MRRF: variants seen among roughly 807,000 people sequenced by gnomAD.
MRRF encodes the protein mitochondrial ribosome recycling factor, also known as ribosome-recycling factor, mitochondrial.
A neutral mutation model predicts 25.1 loss-of-function variants in MRRF; 18 were observed. The observed-to-expected ratio is 0.72, with a 90% CI of 0.50 to 1.06. The LOEUF is 1.06. Ranked by LOEUF, MRRF falls within the 50% of genes least tolerant of loss-of-function variation. The pLI is 0.00. For synonymous variants in MRRF, 113 were observed against 112.1 expected, an observed-to-expected ratio of 1.01 and a Z score of -0.05; for missense variants, 323 against 319.3, an observed-to-expected ratio of 1.01 and a Z score of -0.09.
chr9:122,308,757 C>T (rs1259289434), intron 5 of MRRF, among the ~76,000 whole-genome samples: 1 of 147,234 alleles, frequency 6.8e-6, no homozygotes, highest in African/African-American at 2.5e-5. Context: ...GGCTAAAGTA[C>T]AGTGGCATAA....
At chr9:122,286,073 G>T in intron 4 of MRRF, 1 of 1,283,152 alleles carries the variant, frequency 7.8e-7, no homozygotes. Flanking sequence ...AGAGTACCTG[G>T]AATCCGGTCC....
In MRRF at chr9:122,323,043, TAAAATC is replaced by T. The variant is rs1835980299; in HGVS notation, c.*427_*432del. ...CTAGAGGCCCATTTTCACTAAACAA[TAAAATC>T]TAAATAAATTGGAAGGAATAACAAC... On this transcript the variant is annotated 3_prime_UTR_variant, in exon 7 of 7. Transcript: ENST00000344641. 4.4e-6 allele frequency: 1 copy of T among 228,746 alleles called. No individual in the cohort carries two copies. The highest frequency in any genetic ancestry group is 5.0e-5 in the Admixed American group (1 of 19,892). 14.2% of individuals were successfully genotyped at this position (228,746 alleles called of 1,614,324 possible).
intron 5 of MRRF, among the ~76,000 whole-genome samples, chr9:122,296,117 C>A (rs1305810088): frequency 6.6e-6 from 1 of 152,048 alleles, no homozygotes; most frequent in Non-Finnish European, 1.5e-5. Flanking sequence ...CTCTGAGACT[C>A]AGCTCTGCGT....
chr9:122,326,259 C>G lies in MRRF; in HGVS notation c.*3642C>G, dbSNP rs1343593780. 6.6e-6 allele frequency: 1 copy of G among 152,008 alleles called. No homozygotes were observed. The highest frequency in any genetic ancestry group is 2.4e-5 in the African/African-American group (1 of 41,384). 9.4% of individuals were successfully genotyped at this position (152,008 alleles called of 1,614,324 possible). On this transcript the variant is annotated 3_prime_UTR_variant, in exon 7 of 7. Coordinates refer to ENST00000344641, the MANE Select transcript of MRRF (RefSeq NM_138777.5). ...GAGTAGCTGGGATTACAGGCGCCCG[C>G]CACCACACCCAGCTAATTTTTTATT...
rs868557754 is a variant in MRRF at position 122,286,621 on chromosome 9, A to G, written c.459+1334A>G. On this transcript the variant is annotated intron_variant, in intron 4 of 6. Transcript: ENST00000344641. ...CTAGCTACTCAGGAAACTGCAGTGGAAGGACCGCTTGAGTCCGGGAGTTTG... is the reference window on the plus strand; with the variant it reads ...CTAGCTACTCAGGAAACTGCAGTGGGAGGACCGCTTGAGTCCGGGAGTTTG... 5.9e-5 allele frequency among the ~76,000 whole-genome samples: 9 copies of G among 152,306 alleles called. 1 individual carries two copies. Among genetic ancestry groups the G allele is most frequent in the Middle Eastern group, 6.8e-3 (2 of 294 alleles).
intron 6 of MRRF, among the ~76,000 whole-genome samples, chr9:122,321,353 T>G (rs891160518): frequency 6.6e-6 from 1 of 152,242 alleles, no homozygotes; most frequent in African/African-American, 2.4e-5. Context: ...GTAGAAAATC[T>G]TAACCATTTC....
At chr9:122,265,854 CCTT>C in intron 1 of MRRF, 1 of 858,272 alleles carries the variant, frequency 1.2e-6, no homozygotes, top group Non-Finnish European at 1.7e-6. Flanking sequence ...GTGTCTCATT[CCTT>C]CTTTGGCCGT....
chr9:122,314,564 A>G (rs1835398856), intron 6 of MRRF, among the ~76,000 whole-genome samples: 1 of 152,242 alleles, frequency 6.6e-6, no homozygotes, highest in Non-Finnish European at 1.5e-5. Flanking sequence ...CCCCATTTCC[A>G]GAGATTGAGT....
chr9:122,313,110 C>G, intron 5 of MRRF, 117 bp from the exon 6 acceptor site: 1 of 1,083,456 alleles, frequency 9.2e-7, no homozygotes, highest in Non-Finnish European at 1.4e-6. Context: ...TCCAGGAGTT[C>G]AGCCCACAGA....
chr9:122,303,091 A>G (rs1054464468), intron 5 of MRRF, among the ~76,000 whole-genome samples: 5 of 152,146 alleles, frequency 3.3e-5, no homozygotes, highest in Non-Finnish European at 7.3e-5. Context: ...TCTGGATATT[A>G]GACTCTTATC....
Position 122,323,988 on chromosome 9 carries a change from CT to C in MRRF, c.*1374del, listed in dbSNP as rs1356871899. ...AAAACAAACTTTTTTTCCTTTTGTA[CT>C]TTCACACTCAACATGGAACACTTCT... On this transcript the variant is annotated 3_prime_UTR_variant, in exon 7 of 7. Coordinates refer to ENST00000344641, the MANE Select transcript of MRRF (RefSeq NM_138777.5). 6.6e-6 allele frequency: 1 copy of C among 152,168 alleles called. No individual in the cohort carries two copies. Among genetic ancestry groups the C allele is most frequent in the Non-Finnish European group, 1.5e-5 (1 of 68,028 alleles). 9.4% of individuals were successfully genotyped at this position (152,168 alleles called of 1,614,324 possible). A position where few individuals can be genotyped will look rare whatever the true frequency, so the allele number is the denominator to read the frequency against.
intron 2 of MRRF, among the ~76,000 whole-genome samples, chr9:122,273,387 A>T (rs1281895531): frequency 6.7e-6 from 1 of 149,684 alleles, no homozygotes; most frequent in East Asian, 2.0e-4. Context: ...GGCTACAGTG[A>T]GCCATGATGA....
In MRRF at chr9:122,327,410, C is replaced by A. The variant is rs975684568; in HGVS notation, c.*4793C>A. ...AAAGAGTGATCATAAAAGCTTGTAT[C>A]CTCAAAAGCCACTTTGAGGCTTTCT... On this transcript the variant is annotated 3_prime_UTR_variant, in exon 7 of 7. Transcript: ENST00000344641. The A allele has an allele frequency of 6.6e-6, 1 of 152,154 alleles. No individual in the cohort carries two copies. Among genetic ancestry groups the A allele is most frequent in the African/African-American group, 2.4e-5 (1 of 41,428 alleles). 9.4% of individuals were successfully genotyped at this position (152,154 alleles called of 1,614,324 possible).
chr9:122,283,939 C>T (rs1281492358), intron 3 of MRRF, among the ~76,000 whole-genome samples: 1 of 151,674 alleles, frequency 6.6e-6, no homozygotes, highest in Non-Finnish European at 1.5e-5. Flanking sequence ...AAGATTATAT[C>T]CAGGATAATA....
At chr9:122,317,086 A>G (rs185441890) in intron 6 of MRRF, among the ~76,000 whole-genome samples, 1,735 of 150,840 alleles carry the variant, frequency 0.012, 27 homozygotes, top group African/African-American at 0.038. Flanking sequence ...ATATATATAT[A>G]TAAATCTTTG....
chr9:122,326,163 A>G lies in MRRF; in HGVS notation c.*3546A>G, dbSNP rs1216351232. The G allele has an allele frequency of 7.1e-6, 1 of 140,248 alleles. No individual in the cohort carries two copies. The highest frequency in any genetic ancestry group is 1.5e-5 in the Non-Finnish European group (1 of 66,258). 8.7% of individuals were successfully genotyped at this position (140,248 alleles called of 1,614,324 possible). A position where few individuals can be genotyped will look rare whatever the true frequency, so the allele number is the denominator to read the frequency against. On this transcript the variant is annotated 3_prime_UTR_variant, in exon 7 of 7. Transcript: ENST00000344641. The stretch of plus-strand genomic sequence containing the variant: ...TGCTCTGTCGCCCACGCTGGAGTGC[A>G]TTGGCGCAATCTCGGCTCACTGCAA...
At chr9:122,281,478 A>G (rs1215864098) in intron 3 of MRRF, among the ~76,000 whole-genome samples, 2 of 152,328 alleles carry the variant, frequency 1.3e-5, no homozygotes, top group Non-Finnish European at 2.9e-5. Flanking sequence ...CAGAAACATT[A>G]CCGAGTTCAG....
chr9:122,267,255 C>T (rs909923653), intron 1 of MRRF, among the ~76,000 whole-genome samples: 2 of 151,524 alleles, frequency 1.3e-5, no homozygotes, highest in Admixed American at 1.3e-4. Context: ...GTGGTGGGTG[C>T]CTGTAGTCCC....
At chr9:122,289,912 C>T (rs1196238013) in intron 4 of MRRF, among the ~76,000 whole-genome samples, 1 of 151,490 alleles carries the variant, frequency 6.6e-6, no homozygotes, top group Non-Finnish European at 1.5e-5. Context: ...CCTGTAGTCC[C>T]AGCTCTTCTT....
Sources: allele counts gnomAD v4.1 joint callset (sites outside exome capture counted in the v4.1 genomes callset), GRCh38; gene constraint gnomAD v4.1.1; transcripts MANE v1.5; gene names NCBI Gene and HGNC (gene_info 2026-07-23, HGNC 2026-07-21).